Variants in CPE observed in about 807,000 individuals in gnomAD.
CPE encodes carboxypeptidase E.
A neutral mutation model predicts 53.5 loss-of-function variants in CPE; 17 were observed. The observed-to-expected ratio is 0.32, with a 90% CI of 0.22 to 0.48. The LOEUF is 0.48. Ranked by LOEUF, CPE falls within the 20% of genes least tolerant of loss-of-function variation. CPE has a pLI of 0.99. For synonymous variants in CPE, 226 were observed against 228.8 expected (o/e 0.99, Z 0.11); for missense variants, 524 against 614.7 (o/e 0.85, Z 1.56).
At chr4:165,476,457 A>C (rs1043287123) in intron 3 of CPE, among the ~76,000 whole-genome samples, 1 of 150,952 alleles carries the variant, frequency 6.6e-6, no homozygotes, top group African/African-American at 2.4e-5. Flanking sequence ...CAGTGTTCCT[A>C]GAGGAAGGTC....
At chr4:165,488,560 T>C (rs1732547919) in intron 6 of CPE, among the ~76,000 whole-genome samples, 1 of 152,206 alleles carries the variant, frequency 6.6e-6, no homozygotes, top group Non-Finnish European at 1.5e-5. Context: ...CTTCAAATTT[T>C]ATCCTGAATG....
At chr4:165,485,110 G>T (rs932533058) in intron 5 of CPE, among the ~76,000 whole-genome samples, 2 of 152,128 alleles carry the variant, frequency 1.3e-5, no homozygotes, top group African/African-American at 2.4e-5. Flanking sequence ...ATGAGATCAG[G>T]TAGCTTTTTG....
At position 165,392,351 on chromosome 4, in the gene CPE, A is replaced by AC. The variant is rs1199720325; in HGVS notation, c.307+12823_307+12824insC. ...TATGATATATGTATATGTAATATGT[A>AC]ATATACATATATCATATATTTACAA... On this transcript the variant is annotated intron_variant, in intron 1 of 8. Transcript: ENST00000402744. 8.9e-5 allele frequency among the ~76,000 whole-genome samples: 13 copies of AC among 146,514 alleles called. No homozygotes were observed. In the Admixed American group the frequency reaches 9.0e-4, roughly 10 times the overall value.
intron 1 of CPE, among the ~76,000 whole-genome samples, chr4:165,391,181 T>C (rs1256940335): frequency 6.6e-6 from 1 of 152,178 alleles, no homozygotes; most frequent in African/African-American, 2.4e-5. Flanking sequence ...ACATTGAAGC[T>C]GAACTCATTG....
At chr4:165,436,367 G>A (rs1032076777) in intron 1 of CPE, among the ~76,000 whole-genome samples, 2 of 152,092 alleles carry the variant, frequency 1.3e-5, no homozygotes, top group Non-Finnish European at 2.9e-5. Context: ...GGCTTTAGAT[G>A]CTGCATTTAT....
intron 3 of CPE, among the ~76,000 whole-genome samples, chr4:165,478,095 A>C (rs1732335309): frequency 6.6e-6 from 1 of 152,208 alleles, no homozygotes; most frequent in Non-Finnish European, 1.5e-5. Context: ...TAATAGCTAG[A>C]GTTGTGAAGA....
At chr4:165,383,553 T>C (rs1187208113) in intron 1 of CPE, among the ~76,000 whole-genome samples, 3 of 152,244 alleles carry the variant, frequency 2.0e-5, no homozygotes, top group Admixed American at 2.0e-4. Context: ...GCTAAAACGC[T>C]ATCTCAAAAA....
chr4:165,425,969 T>G (rs1244903316), intron 1 of CPE, among the ~76,000 whole-genome samples: 1 of 152,244 alleles, frequency 6.6e-6, no homozygotes, highest in Non-Finnish European at 1.5e-5. Flanking sequence ...CTACCTATTG[T>G]GCCTGAATGA....
At chr4:165,431,986 A>C (rs910264281) in intron 1 of CPE, among the ~76,000 whole-genome samples, 1 of 151,300 alleles carries the variant, frequency 6.6e-6, no homozygotes, top group African/African-American at 2.4e-5. Flanking sequence ...CCCACCCTAC[A>C]CCCCAATTAA....
chr4:165,462,528 GCT>G (rs1163446838), intron 1 of CPE, among the ~76,000 whole-genome samples: 3 of 151,830 alleles, frequency 2.0e-5, no homozygotes, highest in East Asian at 1.9e-4. Context: ...CTGGCTACTT[GCT>G]CTCTCTCTCT....
At chr4:165,450,270 G>C (rs986060964) in intron 1 of CPE, among the ~76,000 whole-genome samples, 4 of 151,964 alleles carry the variant, frequency 2.6e-5, no homozygotes, top group African/African-American at 9.7e-5. Flanking sequence ...TCAAGATTTT[G>C]GGGGGCTACT....
intron 1 of CPE, among the ~76,000 whole-genome samples, chr4:165,434,855 T>G (rs1342203852): frequency 6.6e-6 from 1 of 152,162 alleles, no homozygotes; most frequent in Non-Finnish European, 1.5e-5. Flanking sequence ...GAGGTGTTTA[T>G]GTCATGGGGG....
chr4:165,461,259 T>C (rs1731999143), intron 1 of CPE, among the ~76,000 whole-genome samples: 1 of 151,670 alleles, frequency 6.6e-6, no homozygotes, highest in Non-Finnish European at 1.5e-5. Context: ...AAGGAAGCTG[T>C]ATTTAGCCAT....
intron 1 of CPE, among the ~76,000 whole-genome samples, chr4:165,426,196 C>T (rs1199740313): frequency 6.6e-6 from 1 of 152,120 alleles, no homozygotes; most frequent in African/African-American, 2.4e-5. Flanking sequence ...ACTGTTCCTT[C>T]AAGAAGGATA....
intron 6 of CPE, among the ~76,000 whole-genome samples, chr4:165,490,111 TA>T (rs1337751329): frequency 6.6e-6 from 1 of 152,228 alleles, no homozygotes; most frequent in Non-Finnish European, 1.5e-5. Context: ...CACCTGGGCC[TA>T]AAATCTAAGC....
chr4:165,496,980 T>C (rs370898706), intron 8 of CPE, among the ~76,000 whole-genome samples: 1 of 152,320 alleles, frequency 6.6e-6, no homozygotes, highest in African/African-American at 2.4e-5. Flanking sequence ...TGGAGTGCAG[T>C]GGCACGATCT....
At chr4:165,384,247 G>C (rs111624459) in intron 1 of CPE, among the ~76,000 whole-genome samples, 4 of 152,178 alleles carry the variant, frequency 2.6e-5, no homozygotes, top group African/African-American at 9.6e-5. Context: ...AAACAGGTTT[G>C]TATATTGAAA....
chr4:165,455,551 T>A (rs1400320040), intron 1 of CPE, among the ~76,000 whole-genome samples: 1 of 152,236 alleles, frequency 6.6e-6, no homozygotes, highest in Non-Finnish European at 1.5e-5. Context: ...CAGAAAGATT[T>A]CAAATCATGA....
chr4:165,477,866 C>T (rs113272494), intron 3 of CPE, among the ~76,000 whole-genome samples: 2 of 152,144 alleles, frequency 1.3e-5, no homozygotes, highest in African/African-American at 4.8e-5. Flanking sequence ...GACACATCCA[C>T]TCGCTCGAGA....
Sources: gnomAD v4.1 joint callset for allele counts (sites outside exome capture counted in the v4.1 genomes callset) on GRCh38, gnomAD v4.1.1 for gene constraint, MANE v1.5 for transcripts, NCBI Gene and HGNC (gene_info 2026-07-23, HGNC 2026-07-21) for gene names.